Variants in RAF1 observed in about 807,000 individuals in gnomAD.
The protein encoded by RAF1 is Raf-1 proto-oncogene, serine/threonine kinase, also known as RAF proto-oncogene serine/threonine-protein kinase.
A neutral mutation model predicts 81.1 loss-of-function variants in RAF1; 27 were observed. That is an observed-to-expected ratio of 0.33 (90% CI 0.25 to 0.46). The LOEUF (loss-of-function observed/expected upper bound fraction) is 0.46, where lower values mean the gene tolerates loss of function less well. Among genes scored for constraint, RAF1 ranks in the 20% least tolerant of loss-of-function variants. The pLI, the probability that RAF1 is intolerant of heterozygous loss-of-function variation, is 1.00. For synonymous variants in RAF1, 298 were observed against 294.0 expected (o/e 1.01, Z -0.14); for missense variants, 598 against 826.0 (o/e 0.72, Z 3.38).
chr3:12,627,199 C>T (rs2059730476), intron 1 of RAF1, among the ~76,000 whole-genome samples: 1 of 152,070 alleles, frequency 6.6e-6, no homozygotes, highest in Admixed American at 6.6e-5. Flanking sequence ...ATAGTGTATT[C>T]ATAATTTATC....
chr3:12,608,991 T>C, intron 4 of RAF1, 68 bp from the exon 5 acceptor site: 1 of 1,581,006 alleles, frequency 6.3e-7, no homozygotes, highest in Non-Finnish European at 8.6e-7. Context: ...ACTTCATTTC[T>C]TGGCCTCCAA....
chr3:12,660,615 A>G (rs1335452605), intron 1 of RAF1, among the ~76,000 whole-genome samples: 1 of 152,092 alleles, frequency 6.6e-6, no homozygotes, highest in Admixed American at 6.5e-5. Context: ...CAACTGGCTG[A>G]TGTTTTTACA....
At chr3:12,593,796 TTTTTTTTTTC>T (rs1294708883) in intron 11 of RAF1, among the ~76,000 whole-genome samples, 2 of 149,676 alleles carry the variant, frequency 1.3e-5, no homozygotes, top group East Asian at 3.9e-4. Context: ...CTTTTTTTTT[TTTTTTTTTTC>T]TTTTTTAGAG....
intron 1 of RAF1, among the ~76,000 whole-genome samples, chr3:12,647,048 G>C (rs1026587222): frequency 2.0e-5 from 3 of 151,396 alleles, no homozygotes; most frequent in African/African-American, 4.8e-5. Context: ...TGTAATCCCA[G>C]CACTTTGGGA....
rs1559447623 is a variant in RAF1 at position 12,618,546 on chromosome 3, C to T, written c.176G>A (p.Arg59His). 1.9e-6 allele frequency: 3 copies of T among 1,614,186 alleles called. No individual in the cohort carries two copies. The highest frequency in any genetic ancestry group is 2.5e-6 in the Non-Finnish European group (3 of 1,180,028). ...TCTTTGCTTGTTCGGCAAGAAAACA[C>T]GGATAGTGTTGCTTGTCTTAGAAGG... Residue 59 changes from arginine (R) to histidine (H), a missense_variant, in exon 2 of 18, where the codon CGT (arginine) becomes CAT (histidine). Arg to His is a conservative substitution (Grantham distance 29). Coordinates refer to ENST00000442415, the MANE Select transcript of RAF1 (RefSeq NM_001354689.3).
intron 11 of RAF1, among the ~76,000 whole-genome samples, chr3:12,593,786 C>T (rs200491630): frequency 5.7e-4 from 63 of 111,254 alleles, no homozygotes; most frequent in Admixed American, 6.2e-4. Context: ...GGAGTAAATC[C>T]TTTTTTTTTT....
In RAF1 at chr3:12,662,418, A is replaced by G. The variant is rs150798232; in HGVS notation, c.-27+1395T>C. Among the ~76,000 whole-genome samples, 679 of 151,940 alleles carry G rather than the reference A, an allele frequency of 4.5e-3. 4 individuals carry two copies. The highest frequency in any genetic ancestry group is 0.015 in the African/African-American group (630 of 41,410). On this transcript the variant is annotated intron_variant, in intron 1 of 17. Transcript: ENST00000442415. ...ATAAAAAAAAATTTAAAAGTCATTA[A>G]CTAAGTTAAACTAAATATGTTCAAT...
At chr3:12,609,031 C>T (rs1290227684) in intron 4 of RAF1, 108 bp from the exon 5 acceptor site, 5 of 1,248,778 alleles carry the variant, frequency 4.0e-6, no homozygotes, top group South Asian at 2.5e-5. Context: ...ATCATACTTC[C>T]AGCATGTACA....
At chr3:12,654,883 A>G (rs1286363921) in intron 1 of RAF1, among the ~76,000 whole-genome samples, 1 of 151,034 alleles carries the variant, frequency 6.6e-6, no homozygotes, top group Non-Finnish European at 1.5e-5. Flanking sequence ...TAGCAATAAG[A>G]AGAAAAGGAG....
intron 17 of RAF1, 89 bp downstream of exon 16, chr3:12,584,758 T>TAAAAC (rs1412351331): frequency 1.4e-5 from 22 of 1,613,074 alleles, no homozygotes; most frequent in African/African-American, 1.3e-4. Flanking sequence ...CCCCTCCCTA[T>TAAAAC]AAAACAAAAC....
rs139135606 is a variant in RAF1 at position 12,600,269 on chromosome 3, T to A, written c.933A>T (p.Ser311=). The A allele has an allele frequency of 6.2e-7, 1 of 1,614,150 alleles. No homozygotes were observed. Among genetic ancestry groups the A allele is most frequent in the Non-Finnish European group, 8.5e-7 (1 of 1,180,032 alleles). The change falls in exon 10 of 18, where the codon TCA becomes TCT. Residue 311 remains serine (S), a synonymous_variant. Coordinates refer to ENST00000442415, the MANE Select transcript of RAF1 (RefSeq NM_001354689.3). ...GATTGTTGGGGCTACTGGACAGGGC[T>A]GAAGGTGAGGCTTAATAGACAAGAC...
intron 1 of RAF1, among the ~76,000 whole-genome samples, chr3:12,620,199 T>A (rs1284091463): frequency 6.6e-6 from 1 of 151,810 alleles, no homozygotes; most frequent in East Asian, 2.0e-4. Context: ...TGGAGTGTAG[T>A]GGCGCGATCT....
At chr3:12,643,604 C>T (rs1174810211) in intron 1 of RAF1, among the ~76,000 whole-genome samples, 2 of 151,860 alleles carry the variant, frequency 1.3e-5, no homozygotes, top group African/African-American at 4.8e-5. Flanking sequence ...GGCGTGGTGG[C>T]AGGCGCCTGT....
At chr3:12,661,369 AGTC>A (rs748809489) in intron 1 of RAF1, among the ~76,000 whole-genome samples, 1 of 152,164 alleles carries the variant, frequency 6.6e-6, no homozygotes, top group Non-Finnish European at 1.5e-5. Context: ...TGTTTTCTAT[AGTC>A]GTCCAATTTC....
intron 6 of RAF1, among the ~76,000 whole-genome samples, chr3:12,605,846 T>G (rs1221413177): frequency 6.6e-6 from 1 of 152,262 alleles, no homozygotes; most frequent in East Asian, 1.9e-4. Flanking sequence ...AAGGGTTTTA[T>G]TTTTATCAAA....
intron 13 of RAF1, 133 bp downstream of exon 12, chr3:12,590,665 G>T: frequency 9.2e-7 from 1 of 1,084,952 alleles, no homozygotes; most frequent in Non-Finnish European, 1.4e-6. Flanking sequence ...GGCCCCTCCA[G>T]CCCAGGCCAG....
intron 2 of RAF1, 80 bp from the exon 3 acceptor site, chr3:12,612,142 A>C: frequency 1.8e-6 from 2 of 1,094,128 alleles, no homozygotes; most frequent in Non-Finnish European, 2.8e-6. Flanking sequence ...TAAATGCACC[A>C]GTCTGTATTG....
At chr3:12,609,861 A>G (rs5746200) in intron 3 of RAF1, among the ~76,000 whole-genome samples, 228 of 152,334 alleles carry the variant, frequency 1.5e-3, no homozygotes, top group African/African-American at 5.2e-3. Flanking sequence ...TTGTAACACT[A>G]AAATCTTACA....
chr3:12,587,070 A>T (rs1387910797), intron 14 of RAF1: 1 of 154,592 alleles, frequency 6.5e-6, no homozygotes, highest in African/African-American at 2.4e-5. Context: ...GCCTCAAGTG[A>T]TCCACCTGCC....
Sources: allele counts gnomAD v4.1 joint callset (sites outside exome capture counted in the v4.1 genomes callset), GRCh38; gene constraint gnomAD v4.1.1; transcripts MANE v1.5; gene names NCBI Gene and HGNC (gene_info 2026-07-23, HGNC 2026-07-21).